The following HADHA variants were observed in gnomAD, a reference collection of about 807,000 sequenced individuals.
HADHA encodes the protein trifunctional enzyme subunit alpha, mitochondrial.
HADHA carries 59 observed loss-of-function variants against 91.3 expected under a neutral mutation model. The ratio of observed to expected loss-of-function variants is 0.65; its 90% CI spans 0.52 to 0.80. The LOEUF (loss-of-function observed/expected upper bound fraction) is 0.80. Ranked by LOEUF, HADHA falls within the 30% of genes least tolerant of loss-of-function variation. The probability of loss-of-function intolerance (pLI) is 0.00; values close to 1 mark genes in which losing one functional copy is unlikely to be tolerated. For synonymous variants in HADHA, 320 were observed against 338.9 expected, an observed-to-expected ratio of 0.94 and a Z score of 0.61; for missense variants, 800 against 927.6, an observed-to-expected ratio of 0.86 and a Z score of 1.79.
At chr2:26,232,033 C>A in intron 6 of HADHA, 127 bp downstream of exon 6, 1 of 728,522 alleles carries the variant, frequency 1.4e-6, no homozygotes, top group South Asian at 1.4e-5. Context: ...AAGTCTGTCA[C>A]TGATCCTGTA....
In HADHA at chr2:26,221,931, G is replaced by A. The variant is rs562332830; in HGVS notation, c.677-6756C>T. On this transcript the variant is annotated intron_variant, in intron 7 of 19. Transcript: ENST00000380649. The surrounding 1 kb of genome is among the most constrained non-coding windows in gnomAD (Gnocchi z 4.8). ...CTCTGATTCATAGGCCGTGGCAAACGGTTTGCCTGGGTGGTAAGGAACTTA... is the reference window on the plus strand; with the variant it reads ...CTCTGATTCATAGGCCGTGGCAAACAGTTTGCCTGGGTGGTAAGGAACTTA... Among the ~76,000 whole-genome samples, 4 of 152,268 alleles carry A rather than the reference G, an allele frequency of 2.6e-5. No individual in the cohort carries two copies. Among genetic ancestry groups the A allele is most frequent in the Admixed American group, 6.5e-5 (1 of 15,296 alleles).
chr2:26,209,935 G>A (rs1205083490), intron 10 of HADHA, 46 bp from the exon 11 acceptor site: 1 of 973,748 alleles, frequency 1.0e-6, no homozygotes, highest in East Asian at 2.4e-5. Context: ...TCACAGTCTA[G>A]GTTATATGGA....
chr2:26,201,419 G>A, intron 12 of HADHA, 99 bp from the exon 13 acceptor site: 1 of 796,314 alleles, frequency 1.3e-6, no homozygotes, highest in African/African-American at 1.7e-5. Flanking sequence ...CACCAACTCT[G>A]TGAGGTAGTT....
At chr2:26,216,317 A>ATTTTTT (rs11406704) in intron 7 of HADHA, among the ~76,000 whole-genome samples, 3 of 110,164 alleles carry the variant, frequency 2.7e-5, no homozygotes, top group East Asian at 2.7e-4. Context: ...CATTTGACCT[A>ATTTTTT]TTTTTTTTTT....
rs925893560 is a variant in HADHA at position 26,191,720 on chromosome 2, A to C, written c.2001-92T>G. On this transcript the variant is annotated intron_variant, in intron 18 of 19. Coordinates refer to ENST00000380649, the MANE Select transcript of HADHA (RefSeq NM_000182.5). ...GCAGAATGGAAGTCGGGATGGGTGC[A>C]TGGGGAGCTCTGTGGGCCGGTTGGT... The C allele has an allele frequency of 3.8e-6, 5 of 1,321,052 alleles. No individual in the cohort carries two copies. In the East Asian group the frequency reaches 9.2e-5, roughly 24 times the overall value. 81.8% of individuals were successfully genotyped at this position (1,321,052 alleles called of 1,614,324 possible).
chr2:26,206,603 A>G (rs1669977400), intron 11 of HADHA, among the ~76,000 whole-genome samples: 1 of 152,122 alleles, frequency 6.6e-6, no homozygotes, highest in Admixed American at 6.5e-5. Context: ...ACTTTGTCCT[A>G]CTTTTGGGGG....
intron 18 of HADHA, among the ~76,000 whole-genome samples, chr2:26,192,069 C>T (rs200032312): frequency 2.6e-5 from 4 of 152,188 alleles, no homozygotes; most frequent in South Asian, 4.2e-4. Flanking sequence ...GGAGCACGTG[C>T]GAGGGCCTTC....
intron 12 of HADHA, 104 bp from the exon 13 acceptor site, chr2:26,201,424 G>T: frequency 1.3e-6 from 1 of 772,892 alleles, no homozygotes; most frequent in Non-Finnish European, 2.2e-6. Flanking sequence ...ACTCTGTGAG[G>T]TAGTTATTCT....
intron 1 of HADHA, among the ~76,000 whole-genome samples, chr2:26,240,827 A>G (rs1397987995): frequency 6.6e-6 from 1 of 152,216 alleles, no homozygotes; most frequent in Non-Finnish European, 1.5e-5. Flanking sequence ...TCATTAGCCA[A>G]CAGTTTAAAC....
rs1670643642 is a variant in HADHA at position 26,232,289 on chromosome 2, AAT to A, written c.454-12_454-11del. On this transcript the variant is annotated splice_polypyrimidine_tract_variant and intron_variant, in intron 5 of 19. Coordinates refer to ENST00000380649, the MANE Select transcript of HADHA (RefSeq NM_000182.5). The stretch of plus-strand genomic sequence containing the variant: ...GGCATGAAATGGCAACCTTTGAACA[AAT>A]GAAAGAAAATTAGAATGTTAGAAAA... 1.9e-6 allele frequency: 3 copies of A among 1,583,944 alleles called. No homozygotes were observed. Among genetic ancestry groups the A allele is most frequent in the East Asian group, 2.2e-5 (1 of 44,730 alleles).
Position 26,201,337 on chromosome 2 carries a change from C to A in HADHA, c.1221-17G>T. 1 of 1,570,242 alleles carries A rather than the reference C, an allele frequency of 6.4e-7. No homozygotes were observed. Among genetic ancestry groups the A allele is most frequent in the Non-Finnish European group, 8.8e-7 (1 of 1,140,336 alleles). ...TCATTCAATCTAGAAAAAACACATT[C>A]CTAGTTAGATGGGAAGAAAAGGAAA... is the stretch of plus-strand genomic sequence containing the variant. On this transcript the variant is annotated splice_polypyrimidine_tract_variant and intron_variant, in intron 12 of 19. Transcript: ENST00000380649.
chr2:26,238,836 G>C, intron 3 of HADHA, 98 bp downstream of exon 3: 1 of 819,948 alleles, frequency 1.2e-6, no homozygotes, highest in South Asian at 1.4e-5. Context: ...ATTACTGCCA[G>C]ATTGGTAGAT....
chr2:26,196,605 C>T (rs6730311), intron 14 of HADHA, among the ~76,000 whole-genome samples: 118,444 of 151,486 alleles, frequency 0.78, 46,274 homozygotes, highest in East Asian at 0.84. Flanking sequence ...CCCTTGCTCC[C>T]GGGCAAACCA....
rs1219129105 is a variant in HADHA, at chr2:26,221,170, A to G, written c.677-5995T>C. Among the ~76,000 whole-genome samples the G allele has an allele frequency of 6.6e-6, 1 of 152,202 alleles. No individual in the cohort carries two copies. Among genetic ancestry groups the G allele is most frequent in the Non-Finnish European group, 1.5e-5 (1 of 68,028 alleles). ...TTCCAGCCCATTTACTGAGTAACTA[A>G]AAAAGCTGCTAGTTTAAGTGGGACC... On this transcript the variant is annotated intron_variant, in intron 7 of 19. Transcript: ENST00000380649. The surrounding 1 kb of genome is among the most constrained non-coding windows in gnomAD (Gnocchi z 4.8).
intron 11 of HADHA, among the ~76,000 whole-genome samples, chr2:26,205,592 G>C (rs1669952219): frequency 6.6e-6 from 1 of 152,184 alleles, no homozygotes; most frequent in East Asian, 1.9e-4. Flanking sequence ...GAGAGGCCAA[G>C]GCGGGCAGAT....
chr2:26,209,764 G>A lies in HADHA; in HGVS notation c.1085+16C>T, dbSNP rs759657537. 1.1e-5 allele frequency: 13 copies of A among 1,228,242 alleles called. No individual in the cohort carries two copies. Among genetic ancestry groups the A allele is most frequent in the South Asian group, 3.6e-5 (3 of 83,408 alleles). The allele number at this position is 1,228,242 out of a possible 1,614,324, so 76.1% of individuals were successfully genotyped here. A position where few individuals can be genotyped will look rare whatever the true frequency, so the allele number is the denominator to read the frequency against. On this transcript the variant is annotated intron_variant, in intron 11 of 19. Transcript: ENST00000380649. ...AGTAAAATTCACAAGGGCTTCCTAC[G>A]TAGAGTTTAACTTACTTAACATCCT...
Position 26,191,166 on chromosome 2 carries a change from T to C in HADHA, c.*84A>G. 1 of 1,396,846 alleles carries C rather than the reference T, an allele frequency of 7.2e-7. No homozygotes were observed. Among genetic ancestry groups the C allele is most frequent in the South Asian group, 1.2e-5 (1 of 86,072 alleles). 86.5% of individuals were successfully genotyped at this position (1,396,846 alleles called of 1,614,324 possible). A position where few individuals can be genotyped will look rare whatever the true frequency, so the allele number is the denominator to read the frequency against. ...GGAGTTTGTCTTCTCGTTACTCTGA[T>C]AAATCTAGACACCACTCTGTTGGAG... On this transcript the variant is annotated 3_prime_UTR_variant, in exon 20 of 20. Transcript: ENST00000380649.
At chr2:26,194,811 G>T (rs565648248) in intron 15 of HADHA, among the ~76,000 whole-genome samples, 173 bp from the exon 16 acceptor site, 2 of 152,212 alleles carry the variant, frequency 1.3e-5, no homozygotes, top group Admixed American at 1.3e-4. Flanking sequence ...AGCCGTACTA[G>T]GGGTAGCCTG....
At chr2:26,207,214 C>A (rs773711155) in intron 11 of HADHA, among the ~76,000 whole-genome samples, 3 of 151,918 alleles carry the variant, frequency 2.0e-5, no homozygotes, top group South Asian at 4.2e-4. Context: ...AACAAACCCA[C>A]CCCTTTCCCC....
Sources: gnomAD v4.1 joint callset for allele counts (sites outside exome capture counted in the v4.1 genomes callset) on GRCh38, gnomAD v4.1.1 for gene constraint, Gnocchi (gnomAD v3.1) non-coding constraint, MANE v1.5 for transcripts, NCBI Gene and HGNC (gene_info 2026-07-23, HGNC 2026-07-21) for gene names.